AMDHD2: variants seen among roughly 807,000 people sequenced by gnomAD.
The protein encoded by AMDHD2 is amidohydrolase domain containing 2, also known as N-acetylglucosamine-6-phosphate deacetylase.
In AMDHD2, 24 loss-of-function variants were observed where a neutral mutation model predicts 41.8. The ratio of observed to expected loss-of-function variants is 0.57; its 90% CI spans 0.42 to 0.81. The LOEUF (loss-of-function observed/expected upper bound fraction) is 0.81, where lower values mean the gene tolerates loss of function less well. Ranked by LOEUF, AMDHD2 falls within the 30% of genes least tolerant of loss-of-function variation. AMDHD2 has a pLI of 0.00. For missense variants in AMDHD2, 540 were observed against 588.5 expected (o/e 0.92, Z 0.85); for synonymous variants, 332 against 255.5 (o/e 1.30, Z -2.85).
At chr16:2,529,131 C>A in intron 10 of AMDHD2, 36 bp downstream of exon 10, 1 of 1,500,284 alleles carries the variant, frequency 6.7e-7, no homozygotes, top group South Asian at 1.3e-5. Flanking sequence ...GGCAGCCTGG[C>A]CCTGCCTGTA....
Position 2,528,141 on chromosome 16 carries a change from T to C in AMDHD2, c.710T>C (p.Met237Thr). The C allele has an allele frequency of 6.2e-7, 1 of 1,613,026 alleles. No individual in the cohort carries two copies. Among genetic ancestry groups the C allele is most frequent in the Non-Finnish European group, 8.5e-7 (1 of 1,179,846 alleles). ...TTCATCACCCACCTCTTCAACGCCA[T>C]GCTGCCTGTGAGTGCTATGGGGCCC... ...ATFITHLFNAMLPFHHRDPGI... is the reference protein window; with the variant it reads ...ATFITHLFNATLPFHHRDPGI... Residue 237 changes from methionine (M) to threonine (T), a missense_variant, in exon 6 of 11, where the codon ATG (methionine) becomes ACG (threonine). By Grantham distance (81) the Met-to-Thr change is moderately conservative. Coordinates refer to ENST00000293971, the MANE Select transcript of AMDHD2 (RefSeq NM_001330449.2).
Position 2,530,925 on chromosome 16 carries a change from C to A in AMDHD2, c.*1362C>A, listed in dbSNP as rs574778073. 2 of 1,613,334 alleles carry A rather than the reference C, an allele frequency of 1.2e-6. No homozygotes were observed. The highest frequency in any genetic ancestry group is 2.2e-5 in the East Asian group (1 of 44,892). ...CGCGCACCCCTTAGGAAGTGGCTGT[C>A]CAGCGCCTGCCTGTGCTGGGCCTGG... On this transcript the variant is annotated 3_prime_UTR_variant, in exon 11 of 11. Coordinates refer to ENST00000293971, the MANE Select transcript of AMDHD2 (RefSeq NM_001330449.2).
chr16:2,522,596 G>C (rs941844109), intron 3 of AMDHD2, among the ~76,000 whole-genome samples: 1 of 151,878 alleles, frequency 6.6e-6, no homozygotes. Flanking sequence ...AGAACCGCTT[G>C]AACCCAGGAG....
Position 2,529,054 on chromosome 16 carries a change from T to C in AMDHD2, c.1100T>C (p.Leu367Pro). ...CTGCACCCCGCCCAGTTGCTGGGGCTGGAGAAGAGTAAGGGGACCCTGGAC... is the reference window on the plus strand; with the variant it reads ...CTGCACCCCGCCCAGTTGCTGGGGCCGGAGAAGAGTAAGGGGACCCTGGAC... ...ASLHPAQLLG[L>P]EKSKGTLDFG... The change falls in exon 10 of 11, where the codon CTG (leucine) becomes CCG (proline). Residue 367 changes from leucine (L) to proline (P), a missense_variant. By Grantham distance (98) the Leu-to-Pro change is moderately conservative. Coordinates refer to ENST00000293971, the MANE Select transcript of AMDHD2 (RefSeq NM_001330449.2). 1 of 1,599,720 alleles carries C rather than the reference T, an allele frequency of 6.3e-7. No individual in the cohort carries two copies. Among genetic ancestry groups the C allele is most frequent in the Non-Finnish European group, 8.5e-7 (1 of 1,173,858 alleles).
At position 2,528,160 on chromosome 16, in the gene AMDHD2, G is replaced by A; in HGVS notation, c.717+12G>A. ...ACGCCATGCTGCCTGTGAGTGCTAT[G>A]GGGCCCCAGGGGCGGGGCTGGGGTC... On this transcript the variant is annotated intron_variant, in intron 6 of 10. Coordinates refer to ENST00000293971, the MANE Select transcript of AMDHD2 (RefSeq NM_001330449.2). 1 of 1,612,772 alleles carries A rather than the reference G, an allele frequency of 6.2e-7. No homozygotes were observed. Among genetic ancestry groups the A allele is most frequent in the Non-Finnish European group, 8.5e-7 (1 of 1,179,868 alleles).
chr16:2,529,375 G>C lies in AMDHD2; in HGVS notation c.1142-100G>C. 2 of 1,557,312 alleles carry C rather than the reference G, an allele frequency of 1.3e-6. 1 individual carries two copies. The highest frequency in any genetic ancestry group is 3.4e-4 in the Middle Eastern group (2 of 5,806). On this transcript the variant is annotated intron_variant, in intron 10 of 10. Coordinates refer to ENST00000293971, the MANE Select transcript of AMDHD2 (RefSeq NM_001330449.2). The stretch of plus-strand genomic sequence containing the variant: ...TGTCTTGCACTAGTCGTGTCCCTGG[G>C]CCTCAGTTTCCCCACCAGCGTCGGG...
rs543221239 is a variant in AMDHD2, at chr16:2,527,211, A to G, written c.361-350A>G. On this transcript the variant is annotated intron_variant, in intron 3 of 10. Transcript: ENST00000293971. This position sits in a 1 kb window ranked among gnomAD's most constrained non-coding sequence, Gnocchi z 6.1. The stretch of plus-strand genomic sequence containing the variant: ...CCACACACAGTGCTGAGCCCTGGCC[A>G]TGCCCACACTGAGCTCTGCCCCAGG... 3 of 409,616 alleles carry G rather than the reference A, an allele frequency of 7.3e-6. No individual in the cohort carries two copies. Among genetic ancestry groups the G allele is most frequent in the African/African-American group, 2.1e-5 (1 of 47,560 alleles). The allele number at this position is 409,616 out of a possible 1,614,324, so 25.4% of individuals were successfully genotyped here.
At chr16:2,523,847 C>A (rs920878146) in intron 3 of AMDHD2, among the ~76,000 whole-genome samples, 1 of 152,238 alleles carries the variant, frequency 6.6e-6, no homozygotes, top group Non-Finnish European at 1.5e-5. Flanking sequence ...AAACTCTTGG[C>A]CTAGAAGGCC....
chr16:2,527,763 C>T lies in AMDHD2; in HGVS notation c.416-10C>T, dbSNP rs1284459230. On this transcript the variant is annotated splice_polypyrimidine_tract_variant and intron_variant, in intron 4 of 10. Transcript: ENST00000293971. The surrounding 1 kb of genome is among the most constrained non-coding windows in gnomAD (Gnocchi z 6.1). Reference sequence around the variant, plus strand: ...GGGACCTGCTGGAGCCACTTGCTCCCTCCTCCCAGGGCTGCACCTGGAGGG... The same window carrying T: ...GGGACCTGCTGGAGCCACTTGCTCCTTCCTCCCAGGGCTGCACCTGGAGGG... 3 of 1,565,116 alleles carry T rather than the reference C, an allele frequency of 1.9e-6. No individual in the cohort carries two copies. The highest frequency in any genetic ancestry group is 3.6e-5 in the Admixed American group (2 of 56,274).
At chr16:2,522,505 G>A (rs1310459850) in intron 3 of AMDHD2, among the ~76,000 whole-genome samples, 7 of 151,878 alleles carry the variant, frequency 4.6e-5, no homozygotes, top group Non-Finnish European at 1.0e-4. Flanking sequence ...GTGAAACCCC[G>A]TCTCTACTAA....
chr16:2,521,442 C>T (rs765366421), intron 3 of AMDHD2, among the ~76,000 whole-genome samples: 1 of 152,238 alleles, frequency 6.6e-6, no homozygotes, highest in South Asian at 2.1e-4. Flanking sequence ...TCCCCTTAAC[C>T]AAGGCCGCAG....
At chr16:2,528,923 G>C in intron 9 of AMDHD2, 71 bp from the exon 10 acceptor site, 1 of 1,498,836 alleles carries the variant, frequency 6.7e-7, no homozygotes, top group Non-Finnish European at 9.0e-7. Flanking sequence ...AGGGAGTGCT[G>C]GTGTGGTTGG....
chr16:2,523,924 C>T (rs1022070620), intron 3 of AMDHD2, among the ~76,000 whole-genome samples: 3 of 152,258 alleles, frequency 2.0e-5, no homozygotes, highest in Non-Finnish European at 2.9e-5. Context: ...CCCCCACTGC[C>T]TGCGCATCTC....
Position 2,528,002 on chromosome 16 carries a change from G to A in AMDHD2, c.628+17G>A. On this transcript the variant is annotated intron_variant, in intron 5 of 10. Coordinates refer to ENST00000293971, the MANE Select transcript of AMDHD2 (RefSeq NM_001330449.2). Reference sequence around the variant, plus strand: ...TGTCCCTAGGTGAGGGGCCGGCTCGGGGTGGGCCTGCTTGGGGGACCTGGG... The same window carrying A: ...TGTCCCTAGGTGAGGGGCCGGCTCGAGGTGGGCCTGCTTGGGGGACCTGGG... 1.2e-6 allele frequency: 2 copies of A among 1,608,908 alleles called. No homozygotes were observed. Among genetic ancestry groups the A allele is most frequent in the Non-Finnish European group, 1.7e-6 (2 of 1,179,078 alleles).
chr16:2,529,606 C>T lies in AMDHD2; in HGVS notation c.*43C>T, dbSNP rs1408190426. On this transcript the variant is annotated 3_prime_UTR_variant, in exon 11 of 11. Coordinates refer to ENST00000293971, the MANE Select transcript of AMDHD2 (RefSeq NM_001330449.2). ...AGGACACCTGGCCGCAGCGGGATGCCATCAGGGCCGGGTGGTTGGGGAGCT... is the reference window on the plus strand; with the variant it reads ...AGGACACCTGGCCGCAGCGGGATGCTATCAGGGCCGGGTGGTTGGGGAGCT... 1 of 1,601,678 alleles carries T rather than the reference C, an allele frequency of 6.2e-7. No homozygotes were observed. Among genetic ancestry groups the T allele is most frequent in the Non-Finnish European group, 8.5e-7 (1 of 1,179,462 alleles).
At chr16:2,523,105 G>T (rs1051693504) in intron 3 of AMDHD2, among the ~76,000 whole-genome samples, 2 of 152,146 alleles carry the variant, frequency 1.3e-5, no homozygotes, top group African/African-American at 4.8e-5. Context: ...GCCTCCCAAA[G>T]TGCTAGGATT....
rs754147423 is a variant in AMDHD2, at chr16:2,528,355, G to A, written c.837G>A (p.Arg279=). The change falls in exon 7 of 11, where the codon CGG becomes CGA. Residue 279 remains arginine, a synonymous_variant. Coordinates refer to ENST00000293971, the MANE Select transcript of AMDHD2 (RefSeq NM_001330449.2). ...DGTHTNPAAL[R]IAHRAHPQGL... ...CGCACACCAACCCCGCCGCCCTGCG[G>A]ATCGCCCACCGTGCCCATCCCCAGG... The A allele has an allele frequency of 1.9e-5, 31 of 1,612,756 alleles. No individual in the cohort carries two copies. Among genetic ancestry groups the A allele is most frequent in the African/African-American group, 2.7e-5 (2 of 74,922 alleles).
rs74003021 is a variant in AMDHD2 at position 2,528,974 on chromosome 16, T to C, written c.1040-20T>C. The C allele has an allele frequency of 7.8e-3, 12,240 of 1,560,982 alleles. 808 individuals carry two copies. The African/African-American group carries it at 0.14, about 18-fold the overall frequency. On this transcript the variant is annotated intron_variant, in intron 9 of 10. Coordinates refer to ENST00000293971, the MANE Select transcript of AMDHD2 (RefSeq NM_001330449.2). ...CCATGTGGGCTTGGGGACTGTCACC[T>C]AGCTGTGTCCCCCAAGCAGGCTGCA...
chr16:2,520,775 T>C lies in AMDHD2; in HGVS notation c.90T>C (p.Asp30=). The change falls in exon 2 of 11, where the codon GAT becomes GAC. Residue 30 remains aspartate, a synonymous_variant. Coordinates refer to ENST00000293971, the MANE Select transcript of AMDHD2 (RefSeq NM_001330449.2). ...ILRGGKLLRE[D]LWVRGGRILD... ...CCACCCACTGCGTCCCCAGGGAGGA[T>C]CTGTGGGTGCGCGGAGGCCGCATCT... 2 of 1,597,438 alleles carry C rather than the reference T, an allele frequency of 1.3e-6. No homozygotes were observed. The highest frequency in any genetic ancestry group is 1.7e-6 in the Non-Finnish European group (2 of 1,174,610).
Sources: allele counts gnomAD v4.1 joint callset (sites outside exome capture counted in the v4.1 genomes callset), GRCh38; gene constraint gnomAD v4.1.1; non-coding constraint Gnocchi (gnomAD v3.1); transcripts MANE v1.5; gene names NCBI Gene and HGNC (gene_info 2026-07-23, HGNC 2026-07-21).